MAGI2: variants seen among roughly 807,000 people sequenced by gnomAD.
The protein encoded by MAGI2 is membrane-associated guanylate kinase, WW and PDZ domain-containing protein 2.
A neutral mutation model predicts 133.3 loss-of-function variants in MAGI2; 35 were observed. The ratio of observed to expected loss-of-function variants is 0.26; its 90% confidence interval spans 0.20 to 0.35. The LOEUF (loss-of-function observed/expected upper bound fraction) is 0.35. Among genes scored for constraint, MAGI2 ranks in the 10% least tolerant of loss-of-function variants. MAGI2 has a pLI of 1.00. For missense variants in MAGI2, 1,636 were observed against 1,863.4 expected (o/e 0.88, Z 2.25); for synonymous variants, 729 against 710.6 (o/e 1.03, Z -0.41).
chr7:78,407,910 A>G (rs1797534345), intron 6 of MAGI2, among the ~76,000 whole-genome samples: 1 of 151,352 alleles, frequency 6.6e-6, no homozygotes, highest in South Asian at 2.1e-4. Flanking sequence ...CATTTTTGTT[A>G]CCAGACAGAC....
At chr7:78,802,103 G>A (rs913949186) in intron 2 of MAGI2, among the ~76,000 whole-genome samples, 1 of 152,106 alleles carries the variant, frequency 6.6e-6, no homozygotes, top group African/African-American at 2.4e-5. Flanking sequence ...CCTCTGGAAC[G>A]CTCTTTTCTG....
intron 20 of MAGI2, among the ~76,000 whole-genome samples, chr7:78,122,433 T>G (rs917955360): frequency 6.6e-6 from 1 of 152,164 alleles, no homozygotes; most frequent in Admixed American, 6.5e-5. Context: ...TTTTTGTGCA[T>G]TGATTGGTTG....
At chr7:79,313,145 G>C (rs1164353937) in intron 1 of MAGI2, among the ~76,000 whole-genome samples, 1 of 151,782 alleles carries the variant, frequency 6.6e-6, no homozygotes, top group Admixed American at 6.6e-5. Context: ...AATATATTTG[G>C]GGCTTATCAG....
At chr7:78,704,670 C>T (rs546687636) in intron 2 of MAGI2, among the ~76,000 whole-genome samples, 1 of 151,630 alleles carries the variant, frequency 6.6e-6, no homozygotes, top group African/African-American at 2.4e-5. Context: ...TAACAGTAAA[C>T]TGGATAAGGA....
At chr7:78,062,515 C>T (rs1813391101) in intron 21 of MAGI2, among the ~76,000 whole-genome samples, 1 of 152,214 alleles carries the variant, frequency 6.6e-6, no homozygotes, top group Non-Finnish European at 1.5e-5. Context: ...ATTTTTGAAG[C>T]CCCTCTCTGG....
intron 9 of MAGI2, among the ~76,000 whole-genome samples, chr7:78,342,876 T>G (rs1397893590): frequency 1.3e-5 from 2 of 152,210 alleles, no homozygotes; most frequent in Non-Finnish European, 2.9e-5. Context: ...GTTTGATGGG[T>G]CCAGCAAACC....
chr7:78,479,349 C>T (rs563112016), intron 6 of MAGI2, among the ~76,000 whole-genome samples: 2 of 151,982 alleles, frequency 1.3e-5, no homozygotes, highest in Non-Finnish European at 2.9e-5. Context: ...ATGGGTGACC[C>T]ATCCTCTTCC....
intron 10 of MAGI2, chr7:78,252,865 C>G (rs1406191022): frequency 6.6e-6 from 1 of 150,564 alleles, no homozygotes; most frequent in Admixed American, 6.6e-5. Flanking sequence ...TGCTTGAACC[C>G]AGGAGGTGGA....
intron 21 of MAGI2, among the ~76,000 whole-genome samples, chr7:78,065,023 T>C (rs956692727): frequency 6.6e-6 from 1 of 152,168 alleles, no homozygotes; most frequent in Non-Finnish European, 1.5e-5. Flanking sequence ...ATTTTTTTTT[T>C]CTTTAAACTT....
intron 2 of MAGI2, among the ~76,000 whole-genome samples, chr7:78,702,126 T>G (rs1818139023): frequency 1.3e-5 from 2 of 151,994 alleles, no homozygotes; most frequent in South Asian, 4.1e-4. Context: ...CAAGTACAAC[T>G]GTCATTTGGT....
chr7:78,393,195 C>T (rs568206315), intron 6 of MAGI2, among the ~76,000 whole-genome samples: 7 of 152,076 alleles, frequency 4.6e-5, no homozygotes, highest in South Asian at 2.1e-4. Context: ...TTCTCACCTA[C>T]GGAAGTTGAA....
At chr7:78,763,615 TA>T (rs1824731832) in intron 2 of MAGI2, among the ~76,000 whole-genome samples, 1 of 152,132 alleles carries the variant, frequency 6.6e-6, no homozygotes, top group African/African-American at 2.4e-5. Context: ...AAAGCATGAT[TA>T]TAGTAACATA....
In MAGI2 at chr7:78,041,664, G is replaced by A. The variant is rs149969480; in HGVS notation, c.3707-21688C>T. Among the ~76,000 whole-genome samples the A allele has an allele frequency of 3.4e-3, 511 of 152,294 alleles. 3 individuals carry two copies. The highest frequency in any genetic ancestry group is 0.012 in the African/African-American group (479 of 41,558). On this transcript the variant is annotated intron_variant, in intron 21 of 21. Coordinates refer to ENST00000354212, the MANE Select transcript of MAGI2 (RefSeq NM_012301.4). ...TACTCCAGCATGGGTGACAGAGTGA[G>A]ACGCTGTTTCAAAAACAAAAAGCAA...
At chr7:79,017,804 C>CAGGA (rs1808888151) in intron 1 of MAGI2, among the ~76,000 whole-genome samples, 1 of 152,086 alleles carries the variant, frequency 6.6e-6, no homozygotes, top group Non-Finnish European at 1.5e-5. Context: ...GTATTAACAA[C>CAGGA]AGGATTGACC....
intron 1 of MAGI2, among the ~76,000 whole-genome samples, chr7:79,079,119 CCT>C (rs1462794967): frequency 6.6e-6 from 1 of 152,048 alleles, no homozygotes. Context: ...AGCTTTTCTT[CCT>C]CTCTCACCCC....
intron 10 of MAGI2, among the ~76,000 whole-genome samples, chr7:78,228,011 C>T (rs1789581668): frequency 6.6e-6 from 1 of 152,178 alleles, no homozygotes; most frequent in Non-Finnish European, 1.5e-5. Flanking sequence ...GTTGCAACTA[C>T]TCAACTCTGC....
At chr7:78,728,122 T>C (rs2151217315) in intron 2 of MAGI2, among the ~76,000 whole-genome samples, 1 of 152,274 alleles carries the variant, frequency 6.6e-6, no homozygotes, top group Middle Eastern at 3.4e-3. Flanking sequence ...CAAACTTTTG[T>C]GTGTATGAAT....
chr7:78,104,122 T>C (rs891256093), intron 20 of MAGI2, among the ~76,000 whole-genome samples: 1 of 152,270 alleles, frequency 6.6e-6, no homozygotes, highest in East Asian at 1.9e-4. Context: ...GGCTGGCCAT[T>C]ACTAATGCCC....
chr7:79,020,006 C>T (rs2116678600), intron 1 of MAGI2, among the ~76,000 whole-genome samples: 1 of 152,276 alleles, frequency 6.6e-6, no homozygotes, highest in Non-Finnish European at 1.5e-5. Context: ...CAGAAGAAGA[C>T]ATAAAGATGT....
Sources: allele counts gnomAD v4.1 joint callset (sites outside exome capture counted in the v4.1 genomes callset), GRCh38; gene constraint gnomAD v4.1.1; transcripts MANE v1.5; gene names NCBI Gene and HGNC (gene_info 2026-07-23, HGNC 2026-07-21).